Variants in CAP2 observed in about 807,000 individuals in gnomAD.
The protein encoded by CAP2 is adenylyl cyclase-associated protein 2.
CAP2 carries 24 observed loss-of-function variants against 57.7 expected under a neutral mutation model. The observed-to-expected ratio is 0.42, with a 90% CI of 0.30 to 0.58. CAP2 has a LOEUF of 0.58. CAP2 is among the 20% of genes least tolerant of loss of function. The probability of loss-of-function intolerance (pLI) is 0.22; values close to 1 mark genes in which losing one functional copy is unlikely to be tolerated. For missense variants in CAP2, 501 were observed against 590.3 expected (o/e 0.85, Z 1.57); for synonymous variants, 194 against 207.2 (o/e 0.94, Z 0.55).
intron 11 of CAP2, among the ~76,000 whole-genome samples, chr6:17,550,769 C>T (rs1342245941): frequency 1.3e-5 from 2 of 152,074 alleles, no homozygotes; most frequent in Non-Finnish European, 2.9e-5. Flanking sequence ...TATTTATAAA[C>T]AATACAAAGA....
chr6:17,447,072 G>C (rs1760277449), intron 3 of CAP2, among the ~76,000 whole-genome samples: 1 of 151,986 alleles, frequency 6.6e-6, no homozygotes, highest in African/African-American at 2.4e-5. Flanking sequence ...ACCCAGGCTG[G>C]AGTGTGGTGG....
intron 7 of CAP2, among the ~76,000 whole-genome samples, chr6:17,527,688 C>T (rs1000638214): frequency 5.3e-5 from 8 of 151,434 alleles, no homozygotes; most frequent in South Asian, 2.1e-4. Context: ...TCTCGCCTCC[C>T]GGGATCAAGC....
At chr6:17,439,787 G>A (rs901654579) in intron 3 of CAP2, among the ~76,000 whole-genome samples, 5 of 151,556 alleles carry the variant, frequency 3.3e-5, no homozygotes, top group Admixed American at 1.3e-4. Context: ...TAATGCAAGC[G>A]ATGGGGAGTG....
At chr6:17,445,612 A>G (rs1760236254) in intron 3 of CAP2, among the ~76,000 whole-genome samples, 1 of 152,182 alleles carries the variant, frequency 6.6e-6, no homozygotes, top group Non-Finnish European at 1.5e-5. Flanking sequence ...CTAATAATCA[A>G]ATCTCCCTGG....
At chr6:17,453,779 G>T (rs993471302) in intron 3 of CAP2, among the ~76,000 whole-genome samples, 1 of 151,998 alleles carries the variant, frequency 6.6e-6, no homozygotes, top group African/African-American at 2.4e-5. Flanking sequence ...TCCTACATTT[G>T]TCCACCAATC....
chr6:17,538,256 C>A (rs894354692), intron 7 of CAP2, among the ~76,000 whole-genome samples: 1 of 151,802 alleles, frequency 6.6e-6, no homozygotes, highest in African/African-American at 2.4e-5. Context: ...TCAAGACCAG[C>A]CTGGGCAACA....
chr6:17,394,160 C>T (rs1316860017), intron 1 of CAP2, among the ~76,000 whole-genome samples: 1 of 131,380 alleles, frequency 7.6e-6, no homozygotes, highest in Non-Finnish European at 1.6e-5. Flanking sequence ...GTGAGTCTTC[C>T]AGGGGGGTGG....
At chr6:17,493,967 G>A (rs931518674) in intron 4 of CAP2, among the ~76,000 whole-genome samples, 3 of 152,104 alleles carry the variant, frequency 2.0e-5, no homozygotes, top group Non-Finnish European at 4.4e-5. Flanking sequence ...CCTTCTAGTT[G>A]TTCAGGTCAG....
At chr6:17,444,331 G>C (rs1760183586) in intron 3 of CAP2, among the ~76,000 whole-genome samples, 1 of 152,126 alleles carries the variant, frequency 6.6e-6, no homozygotes, top group Non-Finnish European at 1.5e-5. Flanking sequence ...GCCAAACCTA[G>C]ACCAGTAGTT....
rs565505943 is a variant in CAP2 at position 17,407,858 on chromosome 6, A to AG, written c.-1-13692dup. On this transcript the variant is annotated intron_variant, in intron 1 of 12. Coordinates refer to ENST00000229922, the MANE Select transcript of CAP2 (RefSeq NM_006366.3). ...AGCTAGAGACACATGAAGAAGCAAA[A>AG]GGGGGCTGGAGGAATGCTTGGGCCA... Among the ~76,000 whole-genome samples the AG allele has an allele frequency of 2.9e-3, 442 of 151,776 alleles. 1 individual carries two copies. Among genetic ancestry groups the AG allele is most frequent in the African/African-American group, 9.8e-3 (407 of 41,394 alleles).
chr6:17,429,930 C>T (rs1318832839), intron 3 of CAP2, among the ~76,000 whole-genome samples: 1 of 152,204 alleles, frequency 6.6e-6, no homozygotes, highest in East Asian at 1.9e-4. Flanking sequence ...TCACATCAGC[C>T]AGAAGTGGGG....
At chr6:17,534,870 A>G (rs1482425115) in intron 7 of CAP2, among the ~76,000 whole-genome samples, 1 of 152,212 alleles carries the variant, frequency 6.6e-6, no homozygotes, top group Non-Finnish European at 1.5e-5. Flanking sequence ...TCACAACCCT[A>G]TCTCAGAACA....
chr6:17,407,714 G>A (rs901468160), intron 1 of CAP2, among the ~76,000 whole-genome samples: 1 of 149,134 alleles, frequency 6.7e-6, no homozygotes, highest in Non-Finnish European at 1.5e-5. Flanking sequence ...GGGAGGTGGA[G>A]GTTGCAGTCA....
rs1169174716 is a variant in CAP2 at position 17,539,413 on chromosome 6, T to C, written c.781T>C (p.Ser261Pro). 2 of 1,614,150 alleles carry C rather than the reference T, an allele frequency of 1.2e-6. No homozygotes were observed. Among genetic ancestry groups the C allele is most frequent in the Non-Finnish European group, 1.7e-6 (2 of 1,180,024 alleles). The change falls in exon 8 of 13, where the codon TCA becomes CCA. Residue 261 changes from serine to proline, a missense_variant. Ser to Pro is a moderately conservative substitution (Grantham distance 74). Transcript: ENST00000229922. ...GKKEESSPSR[S>P]ALFAQLNQGE... Reference sequence around the variant, plus strand: ...AAAAGAGGAATCTTCTCCTTCACGCTCAGCTTTATTTGCCCAACTTAACCA... The same window carrying C: ...AAAAGAGGAATCTTCTCCTTCACGCCCAGCTTTATTTGCCCAACTTAACCA...
At position 17,557,364 on chromosome 6, in the gene CAP2, A is replaced by G. The variant is rs888343141; in HGVS notation, c.*922A>G. 2.6e-5 allele frequency: 4 copies of G among 152,136 alleles called. No homozygotes were observed. The highest frequency in any genetic ancestry group is 1.3e-4 in the Admixed American group (2 of 15,260). 9.4% of individuals were successfully genotyped at this position (152,136 alleles called of 1,614,324 possible). A position where few individuals can be genotyped will look rare whatever the true frequency, so the allele number is the denominator to read the frequency against. On this transcript the variant is annotated 3_prime_UTR_variant, in exon 13 of 13. Coordinates refer to ENST00000229922, the MANE Select transcript of CAP2 (RefSeq NM_006366.3). ...GAAAATGAACATGAAAAAGCCATAC[A>G]TGTATTATTTCTCCTAAAACCTAAG...
intron 4 of CAP2, among the ~76,000 whole-genome samples, chr6:17,496,271 G>T (rs979809993): frequency 3.9e-5 from 6 of 152,058 alleles, no homozygotes; most frequent in South Asian, 2.1e-4. Context: ...TAAAAGCTCC[G>T]TGGATCAAAA....
chr6:17,519,634 C>T (rs1371492290), intron 7 of CAP2, among the ~76,000 whole-genome samples: 1 of 152,108 alleles, frequency 6.6e-6, no homozygotes, highest in African/African-American at 2.4e-5. Context: ...GGCACAAACC[C>T]ATTAGCAGCA....
intron 9 of CAP2, among the ~76,000 whole-genome samples, chr6:17,541,479 C>G (rs1762899321): frequency 6.6e-6 from 1 of 151,932 alleles, no homozygotes; most frequent in African/African-American, 2.4e-5. Context: ...ACTTGAGAGG[C>G]TGAGACAGGA....
chr6:17,430,917 G>A (rs1759710910), intron 3 of CAP2, among the ~76,000 whole-genome samples: 1 of 152,160 alleles, frequency 6.6e-6, no homozygotes, highest in African/African-American at 2.4e-5. Context: ...TCTAATTGAT[G>A]TGACAAATAG....
Sources: gnomAD v4.1 joint callset for allele counts (sites outside exome capture counted in the v4.1 genomes callset) on GRCh38, gnomAD v4.1.1 for gene constraint, MANE v1.5 for transcripts, NCBI Gene and HGNC (gene_info 2026-07-23, HGNC 2026-07-21) for gene names.